APBB1IP: variants seen among roughly 807,000 people sequenced by gnomAD.
APBB1IP encodes the protein amyloid beta precursor protein binding family B member 1 interacting protein.
Under a neutral mutation model 64.9 loss-of-function variants are expected in APBB1IP, and 27 were observed. The observed-to-expected ratio is 0.42, with a 90% confidence interval of 0.31 to 0.57. APBB1IP has a LOEUF of 0.57. APBB1IP is among the 20% of genes least tolerant of loss of function. The pLI is 0.20. For synonymous variants in APBB1IP, 392 were observed against 331.0 expected, an observed-to-expected ratio of 1.18 and a Z score of -2.00; for missense variants, 812 against 845.5, an observed-to-expected ratio of 0.96 and a Z score of 0.49.
intron 2 of APBB1IP, among the ~76,000 whole-genome samples, chr10:26,473,835 C>G (rs1214389757): frequency 3.9e-5 from 6 of 152,144 alleles, no homozygotes; most frequent in African/African-American, 1.4e-4. Flanking sequence ...AACCCCATCT[C>G]TACTAAAAAT....
rs115561650 is a variant in APBB1IP, at chr10:26,553,912, C to G, written c.1156-6193C>G. On this transcript the variant is annotated intron_variant, in intron 11 of 14. Transcript: ENST00000376236. ...GACCCCTACTCTGCTTCTGCTGGTG[C>G]CTCCTCCTTCCCTACACACTGTAAT... 4.7e-3 allele frequency among the ~76,000 whole-genome samples: 721 copies of G among 152,026 alleles called. 4 individuals are homozygous for G. The highest frequency in any genetic ancestry group is 0.017 in the African/African-American group (689 of 41,452).
intron 9 of APBB1IP, among the ~76,000 whole-genome samples, chr10:26,533,919 C>T (rs560182014): frequency 2.0e-5 from 3 of 151,960 alleles, no homozygotes; most frequent in Admixed American, 2.0e-4. Flanking sequence ...GTCAGGGACC[C>T]GTTACAGGAG....
intron 4 of APBB1IP, among the ~76,000 whole-genome samples, chr10:26,498,421 A>G (rs1331553598): frequency 6.6e-6 from 1 of 152,092 alleles, no homozygotes; most frequent in Non-Finnish European, 1.5e-5. Flanking sequence ...AGGGACGAAA[A>G]TCACTGGAAA....
At chr10:26,527,141 C>T (rs1359348190) in intron 8 of APBB1IP, among the ~76,000 whole-genome samples, 1 of 152,232 alleles carries the variant, frequency 6.6e-6, no homozygotes, top group African/African-American at 2.4e-5. Context: ...CCTTTATGGT[C>T]CCCAGCATGG....
At chr10:26,449,088 G>A (rs1835433073) in intron 2 of APBB1IP, among the ~76,000 whole-genome samples, 1 of 152,176 alleles carries the variant, frequency 6.6e-6, no homozygotes, top group Non-Finnish European at 1.5e-5. Context: ...AAAGACTCAA[G>A]GAGATTCCAG....
rs753442387 is a variant in APBB1IP, at chr10:26,511,967, G to A, written c.691+61G>A. On this transcript the variant is annotated intron_variant, in intron 7 of 14. Coordinates refer to ENST00000376236, the MANE Select transcript of APBB1IP (RefSeq NM_019043.4). ...AAACCTTGTGGGTTTGCTGTATAAT[G>A]GGCTTGGGTTTATTCTTTTTTTCTC... is the stretch of plus-strand genomic sequence containing the variant. 174 of 1,557,192 alleles carry A rather than the reference G, an allele frequency of 1.1e-4. 1 individual carries two copies. The highest frequency in any genetic ancestry group is 3.3e-4 in the South Asian group (29 of 86,634).
chr10:26,443,861 A>G (rs1163657235), intron 2 of APBB1IP, among the ~76,000 whole-genome samples: 1 of 152,160 alleles, frequency 6.6e-6, no homozygotes. Context: ...AATACAATTC[A>G]ATCATTTTCA....
chr10:26,447,417 G>C (rs1031387780), intron 2 of APBB1IP, among the ~76,000 whole-genome samples: 33 of 148,524 alleles, frequency 2.2e-4, no homozygotes, highest in African/African-American at 7.2e-4. Context: ...TCTATACCTT[G>C]TGGCCAAATG....
At chr10:26,544,754 C>G (rs1836739407) in intron 11 of APBB1IP, among the ~76,000 whole-genome samples, 1 of 152,162 alleles carries the variant, frequency 6.6e-6, no homozygotes, top group South Asian at 2.1e-4. Flanking sequence ...GGACTAGGAC[C>G]TACAATTGGC....
intron 2 of APBB1IP, among the ~76,000 whole-genome samples, chr10:26,475,353 C>T (rs1835763220): frequency 6.6e-6 from 1 of 152,134 alleles, no homozygotes; most frequent in African/African-American, 2.4e-5. Context: ...GAACTCCTGA[C>T]CTCACGTGAT....
chr10:26,550,853 T>A (rs1836821704), intron 11 of APBB1IP, among the ~76,000 whole-genome samples: 1 of 152,252 alleles, frequency 6.6e-6, no homozygotes, highest in African/African-American at 2.4e-5. Flanking sequence ...TGTCTGGATT[T>A]GTTTATGACC....
At chr10:26,469,785 T>C (rs1476727851) in intron 2 of APBB1IP, among the ~76,000 whole-genome samples, 1 of 152,120 alleles carries the variant, frequency 6.6e-6, no homozygotes, top group Non-Finnish European at 1.5e-5. Context: ...ACTCTAGTGG[T>C]CCCCAAAGTC....
chr10:26,551,084 C>T (rs1836824612), intron 11 of APBB1IP, among the ~76,000 whole-genome samples: 1 of 152,204 alleles, frequency 6.6e-6, no homozygotes, highest in South Asian at 2.1e-4. Context: ...GTTCTGTGGA[C>T]CATGCCTCCC....
chr10:26,439,561 A>G (rs1299910550), intron 2 of APBB1IP, among the ~76,000 whole-genome samples: 1 of 152,192 alleles, frequency 6.6e-6, no homozygotes, highest in East Asian at 1.9e-4. Context: ...ACCTCTGCGC[A>G]GGTGTTCCAC....
chr10:26,551,875 C>T (rs962394443), intron 11 of APBB1IP, among the ~76,000 whole-genome samples: 1 of 152,078 alleles, frequency 6.6e-6, no homozygotes, highest in Admixed American at 6.5e-5. Flanking sequence ...ATGCTCAATA[C>T]ATATCAGATG....
chr10:26,451,393 G>A (rs765551241), intron 2 of APBB1IP, among the ~76,000 whole-genome samples: 3 of 152,134 alleles, frequency 2.0e-5, no homozygotes, highest in African/African-American at 4.8e-5. Flanking sequence ...CCAGCCTAGC[G>A]TTGCTTCCTA....
chr10:26,503,827 C>T (rs919174582), intron 6 of APBB1IP, among the ~76,000 whole-genome samples: 28 of 152,062 alleles, frequency 1.8e-4, no homozygotes, highest in African/African-American at 5.8e-4. Context: ...TTGGCTTGTA[C>T]ATGATTTTTT....
At chr10:26,440,743 A>G (rs1835330125) in intron 2 of APBB1IP, among the ~76,000 whole-genome samples, 1 of 152,120 alleles carries the variant, frequency 6.6e-6, no homozygotes, top group African/African-American at 2.4e-5. Context: ...GTTATCCACT[A>G]TTGATTTGCC....
In APBB1IP at chr10:26,525,230, C is replaced by T. The variant is rs1012134571; in HGVS notation, c.814-8209C>T. On this transcript the variant is annotated intron_variant, in intron 8 of 14. Transcript: ENST00000376236. ...CTAGAAGGTCGAGGCTGCAGTGGGC[C>T]GTGATCATGCCATTGCACTCCAGCC... Among the ~76,000 whole-genome samples, 6 of 151,858 alleles carry T rather than the reference C, an allele frequency of 4.0e-5. No homozygotes were observed. In the East Asian group the frequency reaches 5.8e-4, roughly 15 times the overall value.
Sources: gnomAD v4.1 joint callset for allele counts (sites outside exome capture counted in the v4.1 genomes callset) on GRCh38, gnomAD v4.1.1 for gene constraint, MANE v1.5 for transcripts, NCBI Gene and HGNC (gene_info 2026-07-23, HGNC 2026-07-21) for gene names.